Variants in SEPTIN9 observed in about 807,000 individuals in gnomAD.
The protein encoded by SEPTIN9 is septin 9, also known as septin-9.
SEPTIN9 carries 13 observed loss-of-function variants against 56.6 expected under a neutral mutation model. The observed-to-expected ratio is 0.23, with a 90% CI of 0.15 to 0.37. The LOEUF (loss-of-function observed/expected upper bound fraction) is 0.37. Ranked by LOEUF, SEPTIN9 falls within the 10% of genes least tolerant of loss-of-function variation. The pLI is 1.00. For synonymous variants in SEPTIN9, 332 were observed against 334.1 expected, an observed-to-expected ratio of 0.99 and a Z score of 0.07; for missense variants, 650 against 823.1, an observed-to-expected ratio of 0.79 and a Z score of 2.57.
intron 3 of SEPTIN9, among the ~76,000 whole-genome samples, chr17:77,465,037 C>T (rs1368397980): frequency 1.3e-5 from 2 of 152,210 alleles, no homozygotes; most frequent in African/African-American, 4.8e-5. Context: ...GCTCATCTGC[C>T]TTCGTCTCTA....
intron 1 of SEPTIN9, among the ~76,000 whole-genome samples, chr17:77,282,877 G>C (rs2031096233): frequency 6.6e-6 from 1 of 152,184 alleles, no homozygotes; most frequent in Admixed American, 6.5e-5. Flanking sequence ...CGCGGTGCAT[G>C]GCCCTTTCCA....
chr17:77,494,701 A>G (rs891842778), intron 10 of SEPTIN9, among the ~76,000 whole-genome samples: 8 of 151,866 alleles, frequency 5.3e-5, no homozygotes, highest in African/African-American at 1.9e-4. Flanking sequence ...TGCAGAGTTG[A>G]AGAGGTGCTG....
At chr17:77,411,011 G>C (rs1253179902) in intron 3 of SEPTIN9, among the ~76,000 whole-genome samples, 1 of 151,988 alleles carries the variant, frequency 6.6e-6, no homozygotes, top group African/African-American at 2.4e-5. Context: ...CTTGAACCCA[G>C]GAGGCGGAGG....
chr17:77,300,119 CAG>C (rs2031972329), intron 1 of SEPTIN9, among the ~76,000 whole-genome samples: 1 of 152,140 alleles, frequency 6.6e-6, no homozygotes, highest in South Asian at 2.1e-4. Flanking sequence ...TGTTTTGAGA[CAG>C]AGTCTTGGTC....
intron 3 of SEPTIN9, among the ~76,000 whole-genome samples, chr17:77,422,954 C>T (rs904921370): frequency 1.3e-5 from 2 of 152,128 alleles, no homozygotes; most frequent in African/African-American, 4.8e-5. Flanking sequence ...GTTCGTCTCC[C>T]TTTTCCTGCT....
intron 3 of SEPTIN9, among the ~76,000 whole-genome samples, chr17:77,430,036 G>A (rs1015750214): frequency 1.3e-5 from 2 of 152,076 alleles, no homozygotes; most frequent in African/African-American, 2.4e-5. Flanking sequence ...GTGCTTTCAC[G>A]CCCAGCCTCC....
intron 3 of SEPTIN9, among the ~76,000 whole-genome samples, chr17:77,426,358 T>G (rs777429889): frequency 6.6e-6 from 1 of 152,060 alleles, no homozygotes; most frequent in Non-Finnish European, 1.5e-5. Context: ...CCCGGAGGCA[T>G]GCAGTGGCGC....
chr17:77,392,753 C>T (rs538537893), intron 2 of SEPTIN9, among the ~76,000 whole-genome samples: 41 of 152,006 alleles, frequency 2.7e-4, no homozygotes, highest in Non-Finnish European at 4.6e-4. Flanking sequence ...AAGGAGGGAG[C>T]GCCTCCTCCG....
In SEPTIN9 at chr17:77,450,658, C is replaced by T. The variant is rs1034700512; in HGVS notation, c.722-31486C>T. ...TGTGCCCCTCTGGGTCCCAGCACAT[C>T]CCAGGCCTGCAGGGAGGGGGAGAGG... On this transcript the variant is annotated intron_variant, in intron 3 of 11. Coordinates refer to ENST00000427177, the MANE Select transcript of SEPTIN9 (RefSeq NM_001113491.2). The surrounding 1 kb of genome is among the most constrained non-coding windows in gnomAD (Gnocchi z 6.0). The T allele has an allele frequency of 2.4e-5, 24 of 986,170 alleles. No individual in the cohort carries two copies. The African/African-American group carries it at 3.7e-4, about 15-fold the overall frequency. The allele number at this position is 986,170 out of a possible 1,614,324, so 61.1% of individuals were successfully genotyped here.
chr17:77,399,041 C>T (rs944390722), intron 2 of SEPTIN9, among the ~76,000 whole-genome samples: 4 of 152,174 alleles, frequency 2.6e-5, no homozygotes, highest in South Asian at 2.1e-4. Flanking sequence ...GGTGGTGAGG[C>T]GCCAGCCACG....
At position 77,499,127 on chromosome 17, in the gene SEPTIN9, A is replaced by C; in HGVS notation, c.*469A>C. ...CAGAGCCCAGGGGAGAATGCAGCCC[A>C]CCAGGAGCACCTGGACCCCCTGCCC... On this transcript the variant is annotated 3_prime_UTR_variant, in exon 12 of 12. Transcript: ENST00000427177. 1.9e-6 allele frequency: 1 copy of C among 535,672 alleles called. No individual in the cohort carries two copies. The highest frequency in any genetic ancestry group is 1.5e-5 in the South Asian group (1 of 65,224). The allele number at this position is 535,672 out of a possible 1,614,324, so 33.2% of individuals were successfully genotyped here.
At chr17:77,293,179 C>G (rs575245228) in intron 1 of SEPTIN9, among the ~76,000 whole-genome samples, 6 of 151,850 alleles carry the variant, frequency 4.0e-5, no homozygotes, top group Non-Finnish European at 4.4e-5. Context: ...ATATGCCTGC[C>G]TAATTTTTTC....
chr17:77,354,395 G>A (rs1281867825), intron 2 of SEPTIN9, among the ~76,000 whole-genome samples: 1 of 152,144 alleles, frequency 6.6e-6, no homozygotes, highest in Non-Finnish European at 1.5e-5. Flanking sequence ...TTGGGGTCTG[G>A]GTCCCACTTT....
chr17:77,466,832 A>C (rs923327112), intron 3 of SEPTIN9, among the ~76,000 whole-genome samples: 2 of 152,208 alleles, frequency 1.3e-5, no homozygotes, highest in African/African-American at 4.8e-5. Flanking sequence ...GTCAGATGCG[A>C]TCGAGTAAAT....
intron 2 of SEPTIN9, among the ~76,000 whole-genome samples, chr17:77,366,463 C>A (rs2034573640): frequency 6.6e-6 from 1 of 152,172 alleles, no homozygotes; most frequent in Non-Finnish European, 1.5e-5. Context: ...GCCTCCCAGG[C>A]ATCTGAATTT....
chr17:77,467,120 G>A (rs1185090139), intron 3 of SEPTIN9, among the ~76,000 whole-genome samples: 6 of 152,214 alleles, frequency 3.9e-5, no homozygotes, highest in Non-Finnish European at 7.3e-5. Flanking sequence ...CATGCAGGAC[G>A]GCAGATGGAT....
Position 77,425,201 on chromosome 17 carries a change from AGGTC to A in SEPTIN9, c.721+22500_721+22503del, listed in dbSNP as rs2036857447. ...CTGGGAAGATGGGCCCAGCTGTGGG[AGGTC>A]GTGCGGGCTGGGGACTGAGAGTGCC... On this transcript the variant is annotated intron_variant, in intron 3 of 11. Coordinates refer to ENST00000427177, the MANE Select transcript of SEPTIN9 (RefSeq NM_001113491.2). The surrounding 1 kb of genome is among the most constrained non-coding windows in gnomAD (Gnocchi z 4.2). Among the ~76,000 whole-genome samples the A allele has an allele frequency of 6.6e-6, 1 of 151,992 alleles. No homozygotes were observed. The highest frequency in any genetic ancestry group is 1.5e-5 in the Non-Finnish European group (1 of 67,972).
intron 2 of SEPTIN9, among the ~76,000 whole-genome samples, chr17:77,365,018 G>C (rs549345666): frequency 6.6e-6 from 1 of 152,224 alleles, no homozygotes; most frequent in East Asian, 1.9e-4. Flanking sequence ...TCGGGTCTTT[G>C]TTAGAGATGC....
rs1178549317 is a variant in SEPTIN9, at chr17:77,435,065, A to C, written c.721+32362A>C. Among the ~76,000 whole-genome samples, 3 of 152,166 alleles carry C rather than the reference A, an allele frequency of 2.0e-5. No individual in the cohort carries two copies. The highest frequency in any genetic ancestry group is 4.8e-5 in the African/African-American group (2 of 41,432). On this transcript the variant is annotated intron_variant, in intron 3 of 11. Transcript: ENST00000427177. This position sits in a 1 kb window ranked among gnomAD's most constrained non-coding sequence, Gnocchi z 4.5. Reference sequence around the variant, plus strand: ...TCTTAAGGGCTCTTTACCTGGAGTAAGTATCCCCTTTAATCCTCCCAACAA... The same window carrying C: ...TCTTAAGGGCTCTTTACCTGGAGTACGTATCCCCTTTAATCCTCCCAACAA...
Sources: gnomAD v4.1 joint callset for allele counts (sites outside exome capture counted in the v4.1 genomes callset) on GRCh38, gnomAD v4.1.1 for gene constraint, Gnocchi (gnomAD v3.1) non-coding constraint, MANE v1.5 for transcripts, NCBI Gene and HGNC (gene_info 2026-07-23, HGNC 2026-07-21) for gene names.